The following LHFPL6 variants were observed in gnomAD, a reference collection of about 807,000 sequenced individuals.
LHFPL6 encodes the protein LHFPL tetraspan subfamily member 6 protein.
In LHFPL6, 9 loss-of-function variants were observed where a neutral mutation model predicts 20.6. The ratio of observed to expected loss-of-function variants is 0.44; its 90% CI spans 0.26 to 0.76. LHFPL6 has a LOEUF of 0.76. Among genes scored for constraint, LHFPL6 ranks in the 30% least tolerant of loss-of-function variants. The pLI, the probability that LHFPL6 is intolerant of heterozygous loss-of-function variation, is 0.20. For synonymous variants in LHFPL6, 105 were observed against 98.7 expected (o/e 1.06, Z -0.38); for missense variants, 218 against 253.5 (o/e 0.86, Z 0.95).
chr13:39,596,656 A>C (rs200312564), intron 2 of LHFPL6, among the ~76,000 whole-genome samples: 2 of 2,738 alleles, frequency 7.3e-4, no homozygotes, highest in East Asian at 0.033. Flanking sequence ...GGCATAATTT[A>C]AAAAAAAAAA....
intron 2 of LHFPL6, among the ~76,000 whole-genome samples, chr13:39,560,817 G>GT (rs1392268969): frequency 6.6e-6 from 1 of 152,086 alleles, no homozygotes; most frequent in East Asian, 1.9e-4. Flanking sequence ...GCCCTGCTGG[G>GT]TTATGCAAAT....
chr13:39,347,080 C>CAAAAA (rs11328909), intron 3 of LHFPL6, among the ~76,000 whole-genome samples: 2 of 76,574 alleles, frequency 2.6e-5, no homozygotes, highest in African/African-American at 1.0e-4. Context: ...ACTCTGTCTC[C>CAAAAA]AAAAAAAAAA....
intron 2 of LHFPL6, among the ~76,000 whole-genome samples, chr13:39,502,847 TAATA>T (rs1018317020): frequency 3.3e-5 from 5 of 152,208 alleles, no homozygotes; most frequent in African/African-American, 1.2e-4. Context: ...TTTTCCAGAG[TAATA>T]AATACATTTT....
intron 2 of LHFPL6, among the ~76,000 whole-genome samples, chr13:39,386,854 T>C (rs1292985287): frequency 6.6e-6 from 1 of 152,208 alleles, no homozygotes; most frequent in East Asian, 1.9e-4. Flanking sequence ...GAATATATTT[T>C]GAGCTTTTTC....
chr13:39,412,754 C>G (rs1356177003), intron 2 of LHFPL6, among the ~76,000 whole-genome samples: 2 of 152,070 alleles, frequency 1.3e-5, no homozygotes, highest in Non-Finnish European at 2.9e-5. Context: ...GAAACCCTGT[C>G]CCTACTAAAA....
chr13:39,595,024 G>A (rs7491010), intron 2 of LHFPL6, among the ~76,000 whole-genome samples: 2 of 152,038 alleles, frequency 1.3e-5, no homozygotes, highest in African/African-American at 2.4e-5. Context: ...GTTAAATGAC[G>A]AGTTAATGGG....
At chr13:39,592,126 C>A (rs887535430) in intron 2 of LHFPL6, among the ~76,000 whole-genome samples, 2 of 151,558 alleles carry the variant, frequency 1.3e-5, no homozygotes, top group African/African-American at 4.8e-5. Context: ...TCCATTGAAT[C>A]CTGATATGGA....
At chr13:39,350,802 A>T (rs910104925) in intron 3 of LHFPL6, among the ~76,000 whole-genome samples, 3 of 152,232 alleles carry the variant, frequency 2.0e-5, no homozygotes, top group African/African-American at 7.2e-5. Context: ...GCCACCTGCC[A>T]AGTCGACAGA....
chr13:39,407,168 ATAAT>A (rs1871131490), intron 2 of LHFPL6, among the ~76,000 whole-genome samples: 1 of 152,216 alleles, frequency 6.6e-6, no homozygotes, highest in Non-Finnish European at 1.5e-5. Flanking sequence ...AGTTTCATAG[ATAAT>A]TAATTTCTCC....
chr13:39,535,145 A>G (rs2138498487), intron 2 of LHFPL6, among the ~76,000 whole-genome samples: 1 of 152,362 alleles, frequency 6.6e-6, no homozygotes, highest in South Asian at 2.1e-4. Context: ...CCTTCTTCTT[A>G]TAAGGACATC....
intron 3 of LHFPL6, among the ~76,000 whole-genome samples, chr13:39,347,504 T>G (rs1869441526): frequency 6.6e-6 from 1 of 152,226 alleles, no homozygotes; most frequent in Non-Finnish European, 1.5e-5. Context: ...AAACCAAGTA[T>G]GTATTTCCGG....
At chr13:39,550,042 G>A in intron 2 of LHFPL6, among the ~76,000 whole-genome samples, 1 of 151,972 alleles carries the variant, frequency 6.6e-6, no homozygotes, top group East Asian at 1.9e-4. Flanking sequence ...TGATGAAAAT[G>A]TTCTCAAATT....
chr13:39,406,189 T>A (rs972692091), intron 2 of LHFPL6, among the ~76,000 whole-genome samples: 17 of 152,180 alleles, frequency 1.1e-4, no homozygotes, highest in Non-Finnish European at 2.4e-4. Flanking sequence ...GTGTTTTACA[T>A]AACAATTTAC....
chr13:39,423,980 G>C (rs1005944352), intron 2 of LHFPL6, among the ~76,000 whole-genome samples: 1 of 152,178 alleles, frequency 6.6e-6, no homozygotes, highest in South Asian at 2.1e-4. Context: ...TGAGGGATGG[G>C]AGTGGCAGGA....
intron 2 of LHFPL6, among the ~76,000 whole-genome samples, chr13:39,468,150 AAAC>A (rs760700408): frequency 6.6e-6 from 1 of 152,226 alleles, no homozygotes; most frequent in Non-Finnish European, 1.5e-5. Context: ...CGATCTACAT[AAAC>A]TCAAGTCTTC....
At chr13:39,505,283 C>T (rs751549705) in intron 2 of LHFPL6, among the ~76,000 whole-genome samples, 6 of 152,096 alleles carry the variant, frequency 3.9e-5, no homozygotes, top group African/African-American at 9.7e-5. Flanking sequence ...AGAGCGGAAT[C>T]GGAGTAGAAG....
intron 2 of LHFPL6, among the ~76,000 whole-genome samples, chr13:39,423,557 G>T (rs1871551974): frequency 6.6e-6 from 1 of 152,028 alleles, no homozygotes; most frequent in Non-Finnish European, 1.5e-5. Context: ...CTGAGTAGCT[G>T]GGATTACAGG....
intron 2 of LHFPL6, among the ~76,000 whole-genome samples, chr13:39,479,982 C>T (rs982679831): frequency 7.9e-5 from 12 of 152,118 alleles, no homozygotes; most frequent in African/African-American, 2.7e-4. Context: ...CTTCTTTTTT[C>T]GATCCACATT....
intron 2 of LHFPL6, among the ~76,000 whole-genome samples, chr13:39,390,539 A>T (rs1486180176): frequency 1.3e-5 from 2 of 152,050 alleles, no homozygotes; most frequent in Non-Finnish European, 2.9e-5. Context: ...AGATTTTACA[A>T]TGTAATAAAG....
Sources: allele counts gnomAD v4.1 joint callset (sites outside exome capture counted in the v4.1 genomes callset), GRCh38; gene constraint gnomAD v4.1.1; transcripts MANE v1.5; gene names NCBI Gene and HGNC (gene_info 2026-07-23, HGNC 2026-07-21).